DOCK3: variants seen among roughly 807,000 people sequenced by gnomAD.
DOCK3 encodes the protein dedicator of cytokinesis protein 3.
In DOCK3, 60 loss-of-function variants were observed where a neutral mutation model predicts 265.6. The ratio of observed to expected loss-of-function variants is 0.23; its 90% CI spans 0.18 to 0.28. The LOEUF (loss-of-function observed/expected upper bound fraction) is 0.28, where lower values mean the gene tolerates loss of function less well. DOCK3 is among the 10% of genes least tolerant of loss of function. DOCK3 has a pLI of 1.00. For missense variants in DOCK3, 1,981 were observed against 2,594.3 expected (o/e 0.76, Z 5.14); for synonymous variants, 881 against 938.0 (o/e 0.94, Z 1.11).
intron 12 of DOCK3, among the ~76,000 whole-genome samples, chr3:51,178,207 T>G (rs2087076645): frequency 6.6e-6 from 1 of 152,140 alleles, no homozygotes; most frequent in Non-Finnish European, 1.5e-5. Context: ...GAAATGGGTG[T>G]GTCATGTCAG....
chr3:51,266,502 C>G (rs936527706), intron 23 of DOCK3, among the ~76,000 whole-genome samples: 5 of 152,118 alleles, frequency 3.3e-5, no homozygotes, highest in Non-Finnish European at 5.9e-5. Context: ...TGGAACAGAA[C>G]AGAGGCCTCA....
intron 22 of DOCK3, among the ~76,000 whole-genome samples, chr3:51,254,414 G>A (rs546489643): frequency 1.6e-4 from 24 of 152,262 alleles, no homozygotes; most frequent in Middle Eastern, 6.8e-3. Flanking sequence ...TCAGTTCCTG[G>A]ATATCCTTGT....
intron 3 of DOCK3, among the ~76,000 whole-genome samples, chr3:50,881,791 G>C (rs961196791): frequency 2.0e-5 from 3 of 152,024 alleles, no homozygotes; most frequent in African/African-American, 7.2e-5. Flanking sequence ...GAACCAAAAA[G>C]GAGCCCGCAT....
chr3:51,160,434 G>C (rs2086070186), intron 11 of DOCK3, 121 bp from the exon 12 acceptor site: 3 of 1,303,172 alleles, frequency 2.3e-6, no homozygotes, highest in Non-Finnish European at 3.1e-6. Flanking sequence ...CAGCCCTGTA[G>C]TCTTCACCTT....
At chr3:51,185,609 AT>A (rs1470194240) in intron 12 of DOCK3, among the ~76,000 whole-genome samples, 1 of 152,174 alleles carries the variant, frequency 6.6e-6, no homozygotes, top group Middle Eastern at 3.2e-3. Flanking sequence ...GGTAACTGAT[AT>A]GGCTTGGCTC....
intron 11 of DOCK3, among the ~76,000 whole-genome samples, chr3:51,160,241 T>C (rs552821831): frequency 6.6e-6 from 1 of 152,364 alleles, no homozygotes; most frequent in African/African-American, 2.4e-5. Flanking sequence ...AATTTATTAT[T>C]AGCACACTGG....
At chr3:50,927,038 G>A (rs1046088887) in intron 4 of DOCK3, among the ~76,000 whole-genome samples, 3 of 152,200 alleles carry the variant, frequency 2.0e-5, no homozygotes, top group Non-Finnish European at 4.4e-5. Context: ...GTTTTATGAT[G>A]TGACTTCCTG....
intron 9 of DOCK3, among the ~76,000 whole-genome samples, chr3:51,118,506 AT>A (rs1313617449): frequency 6.6e-6 from 1 of 152,122 alleles, no homozygotes; most frequent in Non-Finnish European, 1.5e-5. Flanking sequence ...CAAGTCCTGA[AT>A]ATCCTTGTTA....
At chr3:51,035,097 AT>A (rs2080213690) in intron 5 of DOCK3, among the ~76,000 whole-genome samples, 1 of 151,998 alleles carries the variant, frequency 6.6e-6, no homozygotes, top group African/African-American at 2.4e-5. Context: ...AATATATATT[AT>A]GCATTTCTTG....
chr3:51,370,662 A>T (rs766787454), intron 49 of DOCK3, among the ~76,000 whole-genome samples: 2 of 152,222 alleles, frequency 1.3e-5, no homozygotes, highest in Non-Finnish European at 2.9e-5. Flanking sequence ...ATAGAGAGAA[A>T]TTATCTTCTT....
At chr3:50,856,534 T>A (rs920703665) in intron 3 of DOCK3, among the ~76,000 whole-genome samples, 4 of 152,112 alleles carry the variant, frequency 2.6e-5, no homozygotes, top group African/African-American at 9.7e-5. Flanking sequence ...TTAATGGGGT[T>A]ATTTGTTTTT....
intron 5 of DOCK3, among the ~76,000 whole-genome samples, chr3:51,024,716 G>T (rs1419704331): frequency 6.6e-6 from 1 of 152,202 alleles, no homozygotes; most frequent in Non-Finnish European, 1.5e-5. Flanking sequence ...TGCTCCTCCT[G>T]TGGGGCTGCA....
intron 5 of DOCK3, among the ~76,000 whole-genome samples, chr3:51,031,895 G>A (rs2108959796): frequency 6.6e-6 from 1 of 152,286 alleles, no homozygotes; most frequent in South Asian, 2.1e-4. Flanking sequence ...TACCACCTTG[G>A]AAGCAGAAAG....
At chr3:50,764,285 CCGTGGGTTCTGCATCTGTGGATTCAA>C (rs1387186690) in intron 1 of DOCK3, among the ~76,000 whole-genome samples, 2 of 151,920 alleles carry the variant, frequency 1.3e-5, no homozygotes, top group Non-Finnish European at 2.9e-5. Flanking sequence ...CCCTTCATAC[CCGTGGGTTCTGCATCTGTGGATTCAA>C]CCAACAGCAG....
chr3:50,784,719 C>A (rs558108473), intron 2 of DOCK3, among the ~76,000 whole-genome samples: 110 of 152,280 alleles, frequency 7.2e-4, no homozygotes, highest in African/African-American at 2.6e-3. Flanking sequence ...TTGTAGAGGT[C>A]TTTCACTTCC....
At chr3:51,189,260 A>G (rs1295169496) in intron 12 of DOCK3, among the ~76,000 whole-genome samples, 1 of 150,702 alleles carries the variant, frequency 6.6e-6, no homozygotes, top group Non-Finnish European at 1.5e-5. Flanking sequence ...TTCTTTGCCC[A>G]CTATTTTTTT....
intron 32 of DOCK3, among the ~76,000 whole-genome samples, chr3:51,317,641 TAA>T (rs919264739): frequency 1.3e-5 from 2 of 149,194 alleles, no homozygotes; most frequent in African/African-American, 2.4e-5. Context: ...TAAAAATTGC[TAA>T]AAGAGTAGAC....
intron 12 of DOCK3, among the ~76,000 whole-genome samples, chr3:51,162,504 AC>A (rs1257526076): frequency 6.6e-6 from 1 of 152,186 alleles, no homozygotes; most frequent in Non-Finnish European, 1.5e-5. Context: ...GGGTGGTGGA[AC>A]CTGCTTGTTT....
chr3:51,306,066 A>G (rs1215591023), intron 27 of DOCK3, among the ~76,000 whole-genome samples: 1 of 140,046 alleles, frequency 7.1e-6, no homozygotes, highest in Non-Finnish European at 1.5e-5. Context: ...GGGTCTCGCT[A>G]TGTTGCTCAG....
Sources: gnomAD v4.1 joint callset for allele counts (sites outside exome capture counted in the v4.1 genomes callset) on GRCh38, gnomAD v4.1.1 for gene constraint, MANE v1.5 for transcripts, NCBI Gene and HGNC (gene_info 2026-07-23, HGNC 2026-07-21) for gene names.